The following MED13 variants were observed in gnomAD, a reference collection of about 807,000 sequenced individuals.
MED13 encodes mediator of RNA polymerase II transcription subunit 13.
In MED13, 23 loss-of-function variants were observed where a neutral mutation model predicts 225.2. The ratio of observed to expected loss-of-function variants is 0.10; its 90% CI spans 0.07 to 0.14. The LOEUF is 0.14. Ranked by LOEUF, MED13 falls within the 10% of genes least tolerant of loss-of-function variation. The pLI is 1.00. For synonymous variants in MED13, 942 were observed against 889.2 expected, an observed-to-expected ratio of 1.06 and a Z score of -1.06; for missense variants, 2,197 against 2,594.5, an observed-to-expected ratio of 0.85 and a Z score of 3.33.
At chr17:61,950,446 C>T (rs934947126) in intron 28 of MED13, among the ~76,000 whole-genome samples, 15 of 150,482 alleles carry the variant, frequency 1.0e-4, no homozygotes, top group African/African-American at 1.5e-4. Flanking sequence ...TGAAGTGGTA[C>T]GATCTCGGCT....
At chr17:62,037,231 C>T (rs771540832) in intron 3 of MED13, among the ~76,000 whole-genome samples, 6 of 149,442 alleles carry the variant, frequency 4.0e-5, no homozygotes, top group African/African-American at 9.9e-5. Flanking sequence ...ACAGCATGGG[C>T]GACAGAGTAA....
intron 3 of MED13, among the ~76,000 whole-genome samples, chr17:62,037,219 T>C (rs2080811215): frequency 6.7e-6 from 1 of 148,608 alleles, no homozygotes; most frequent in African/African-American, 2.5e-5. Flanking sequence ...CACCACTGCA[T>C]TACAGCATGG....
chr17:61,958,206 C>T (rs2079966318), intron 23 of MED13, among the ~76,000 whole-genome samples: 1 of 151,750 alleles, frequency 6.6e-6, no homozygotes, highest in Admixed American at 6.6e-5. Flanking sequence ...CTAACTCTAT[C>T]ACCCAGGCTA....
In MED13 at chr17:62,033,780, T is replaced by C. The variant is rs2080778168; in HGVS notation, c.814+7A>G. 4 of 1,613,300 alleles carry C rather than the reference T, an allele frequency of 2.5e-6. No individual in the cohort carries two copies. The highest frequency in any genetic ancestry group is 1.7e-4 in the Middle Eastern group (1 of 6,058). Reference sequence around the variant, plus strand: ...TTCCCCTTAGGAATAATACTCAGGATCCATACCAACAAGAACTTCTACTGC... The same window carrying C: ...TTCCCCTTAGGAATAATACTCAGGACCCATACCAACAAGAACTTCTACTGC... On this transcript the variant is annotated splice_region_variant and intron_variant, in intron 5 of 29. Transcript: ENST00000397786.
intron 23 of MED13, among the ~76,000 whole-genome samples, chr17:61,959,100 T>C (rs1341125662): frequency 6.6e-6 from 1 of 151,972 alleles, no homozygotes; most frequent in Non-Finnish European, 1.5e-5. Flanking sequence ...GCCTCCTGGG[T>C]TCAAGTGATT....
In MED13 at chr17:61,965,175, G is replaced by C. The variant is rs2080045429; in HGVS notation, c.4675C>G (p.Pro1559Ala). 2 of 1,614,142 alleles carry C rather than the reference G, an allele frequency of 1.2e-6. No homozygotes were observed. The part of the protein sequence containing the change: ...GVSSNKLPSF[P>A]PFGSMNSNAA... ...TTACTGTTCATACTGCCAAAGGGTG[G>C]AAACGAAGGTAGTTTATTTGATGAT... Residue 1559 changes from proline to alanine, a missense_variant, in exon 20 of 30, where the codon CCA becomes GCA. Around this residue, in one of 12 missense-constraint regions of MED13, gnomAD observed 457 missense variants for 442.2 expected, o/e 1.03. Coordinates refer to ENST00000397786, the MANE Select transcript of MED13 (RefSeq NM_005121.3).
At chr17:62,022,420 A>G (rs1400272882) in intron 8 of MED13, among the ~76,000 whole-genome samples, 1 of 152,060 alleles carries the variant, frequency 6.6e-6, no homozygotes, top group East Asian at 1.9e-4. Flanking sequence ...CATCAAATCC[A>G]GAATGATTAC....
At position 62,047,868 on chromosome 17, in the gene MED13, G is replaced by A. The variant is rs1447825053; in HGVS notation, c.470+4669C>T. 4.0e-5 allele frequency among the ~76,000 whole-genome samples: 6 copies of A among 151,740 alleles called. No individual in the cohort carries two copies. In the South Asian group the frequency reaches 1.0e-3, roughly 26 times the overall value. ...TCGGCCCCTTAGTGGTGGATTACAG[G>A]TGTGAGCCTATATTTTCAATTATCA... On this transcript the variant is annotated intron_variant, in intron 3 of 29. Transcript: ENST00000397786.
At chr17:62,058,331 T>C (rs1469112184) in intron 2 of MED13, among the ~76,000 whole-genome samples, 4 of 152,024 alleles carry the variant, frequency 2.6e-5, no homozygotes, top group African/African-American at 4.8e-5. Flanking sequence ...CTGGCCAACA[T>C]GGCGAAACTC....
At chr17:62,018,909 C>A (rs552584049) in intron 8 of MED13, among the ~76,000 whole-genome samples, 1 of 152,138 alleles carries the variant, frequency 6.6e-6, no homozygotes, top group Non-Finnish European at 1.5e-5. Flanking sequence ...ACCCAGTGAA[C>A]TGATATTTTT....
chr17:61,989,198 G>A (rs1441502594), intron 11 of MED13, among the ~76,000 whole-genome samples: 1 of 152,130 alleles, frequency 6.6e-6, no homozygotes, highest in Non-Finnish European at 1.5e-5. Flanking sequence ...TATTAGTAGA[G>A]ACGGGGTTTC....
chr17:61,965,107 A>G lies in MED13; in HGVS notation c.4743T>C (p.Ser1581=). The G allele has an allele frequency of 6.2e-7, 1 of 1,614,094 alleles. No homozygotes were observed. Among genetic ancestry groups the G allele is most frequent in the East Asian group, 2.2e-5 (1 of 44,892 alleles). The change falls in exon 20 of 30, where the codon AGT becomes AGC. Residue 1581 remains serine (S), a synonymous_variant. Coordinates refer to ENST00000397786, the MANE Select transcript of MED13 (RefSeq NM_005121.3). ...ATGTCTGTTGCCCTCCTAGCTGACC[A>G]CTCTGAACTGTATTTGCTTGTGTAG... ...SMSTQANTVQ[S]GQLGGQQTSA... is the part of the protein sequence containing the mutation.
At chr17:61,952,942 AC>A (rs1207366316) in intron 27 of MED13, 22 bp downstream of exon 27, 5 of 1,605,816 alleles carry the variant, frequency 3.1e-6, no homozygotes, top group Non-Finnish European at 4.2e-6. Context: ...GCCGAGAAAA[AC>A]TAAAACTTGT....
intron 19 of MED13, 130 bp from the exon 20 acceptor site, chr17:61,965,598 C>G: frequency 1.1e-6 from 1 of 880,094 alleles, no homozygotes. Context: ...AAATTGCTTG[C>G]TAATGGTGTG....
intron 9 of MED13, among the ~76,000 whole-genome samples, chr17:61,999,929 C>T (rs921851200): frequency 1.3e-5 from 2 of 151,946 alleles, no homozygotes; most frequent in Admixed American, 6.6e-5. Flanking sequence ...ATTAGCCAAG[C>T]GGTATTGTCA....
rs1037576947 is a variant in MED13, at chr17:62,010,613, C to T, written c.1904G>A (p.Ser635Asn). ...AACTGGATCATCCTTGAATTTATCA[C>T]TTGGAAGTTGAGGTGGTAAAAACTC... The part of the protein sequence containing the change: ...DVEFLPPQLP[S>N]DKFKDDPVGP... Residue 635 changes from serine (S) to asparagine (N), a missense_variant, in exon 9 of 30, where the codon AGT becomes AAT. Physicochemically the swap from Ser to Asn is conservative, Grantham distance 46 (BLOSUM62 1). Coordinates refer to ENST00000397786, the MANE Select transcript of MED13 (RefSeq NM_005121.3). The T allele has an allele frequency of 1.3e-6, 2 of 1,492,870 alleles. No individual in the cohort carries two copies. Among genetic ancestry groups the T allele is most frequent in the African/African-American group, 1.4e-5 (1 of 71,432 alleles). 92.5% of individuals were successfully genotyped at this position (1,492,870 alleles called of 1,614,324 possible).
Position 62,010,965 on chromosome 17 carries a change from T to C in MED13, c.1552A>G (p.Lys518Glu), listed in dbSNP as rs2080502485. Residue 518 changes from lysine (K) to glutamate (E), a missense_variant, in exon 9 of 30, where the codon AAG becomes GAG. Lys to Glu is a moderately conservative substitution (Grantham distance 56). This residue lies in a region of MED13 where 884 missense variants were observed against 918.5 expected (regional missense o/e 0.96). Transcript: ENST00000397786. ...TCGGTGCCATGCATCTGAGGAGTCT[T>C]TGCTACATCATTAGTTCGGATATTT... ...FSNIRTNDVA[K>E]TPQMHGTEMA... is the part of the protein sequence containing the mutation. 6.2e-7 allele frequency: 1 copy of C among 1,613,426 alleles called. No individual in the cohort carries two copies. Among genetic ancestry groups the C allele is most frequent in the East Asian group, 2.2e-5 (1 of 44,876 alleles).
At position 61,999,407 on chromosome 17, in the gene MED13, TATA is replaced by T. The variant is rs1055573333; in HGVS notation, c.1968-4045_1968-4043del. 7.0e-4 allele frequency among the ~76,000 whole-genome samples: 106 copies of T among 152,326 alleles called. 1 individual carries two copies. The highest frequency in any genetic ancestry group is 6.7e-3 in the Admixed American group (102 of 15,296). On this transcript the variant is annotated intron_variant, in intron 9 of 29. Coordinates refer to ENST00000397786, the MANE Select transcript of MED13 (RefSeq NM_005121.3). ...AAGTGCTAAACCCATGAAAAAAAGA[TATA>T]ATGTTTCTTGCCAGAAATTTTGCTA...
chr17:61,971,586 C>T (rs959177839), intron 17 of MED13, among the ~76,000 whole-genome samples: 2 of 152,054 alleles, frequency 1.3e-5, no homozygotes, highest in African/African-American at 4.8e-5. Context: ...CAGGCGTGAG[C>T]CACCACGCCG....
Sources: gnomAD v4.1 joint callset for allele counts (sites outside exome capture counted in the v4.1 genomes callset) on GRCh38, gnomAD v4.1.1 for gene constraint, gnomAD v4.1.1 regional missense constraint, MANE v1.5 for transcripts, NCBI Gene and HGNC (gene_info 2026-07-23, HGNC 2026-07-21) for gene names.